Variants in EFNA5 observed in about 807,000 individuals in gnomAD.
The protein encoded by EFNA5 is ephrin A5.
Under a neutral mutation model 22.9 loss-of-function variants are expected in EFNA5, and 5 were observed. The observed-to-expected ratio is 0.22, with a 90% confidence interval of 0.11 to 0.46. The LOEUF (loss-of-function observed/expected upper bound fraction) is 0.46. Ranked by LOEUF, EFNA5 falls within the 20% of genes least tolerant of loss-of-function variation. EFNA5 has a pLI of 0.99. For synonymous variants in EFNA5, 113 were observed against 112.2 expected (o/e 1.01, Z -0.04); for missense variants, 237 against 293.3 (o/e 0.81, Z 1.40).
chr5:107,586,495 C>A (rs988202955), intron 1 of EFNA5, among the ~76,000 whole-genome samples: 27 of 152,170 alleles, frequency 1.8e-4, no homozygotes, highest in African/African-American at 6.5e-4. Context: ...AAGTCTCTTC[C>A]ATGCATCTGG....
intron 1 of EFNA5, among the ~76,000 whole-genome samples, chr5:107,514,869 T>G (rs1243586858): frequency 6.6e-6 from 1 of 152,114 alleles, no homozygotes; most frequent in East Asian, 1.9e-4. Context: ...ATTAGGCAGA[T>G]AGCAAGGGCA....
At chr5:107,640,805 G>A (rs1750482925) in intron 1 of EFNA5, among the ~76,000 whole-genome samples, 1 of 152,192 alleles carries the variant, frequency 6.6e-6, no homozygotes, top group Non-Finnish European at 1.5e-5. Context: ...AAAGACAAAT[G>A]AGAATGCTGC....
intron 1 of EFNA5, among the ~76,000 whole-genome samples, chr5:107,437,879 T>C (rs1021780063): frequency 1.3e-5 from 2 of 152,152 alleles, no homozygotes; most frequent in African/African-American, 4.8e-5. Flanking sequence ...AGGAAAATGA[T>C]AACCAGGACT....
chr5:107,527,569 G>A (rs2112449008), intron 1 of EFNA5, among the ~76,000 whole-genome samples: 1 of 151,926 alleles, frequency 6.6e-6, no homozygotes, highest in East Asian at 1.9e-4. Flanking sequence ...ACAGGCATGA[G>A]CCACTGCACC....
intron 1 of EFNA5, among the ~76,000 whole-genome samples, chr5:107,553,993 A>C (rs1358713041): frequency 6.6e-6 from 1 of 152,210 alleles, no homozygotes; most frequent in Non-Finnish European, 1.5e-5. Context: ...CTGGGATGTG[A>C]AAATATCTGA....
At chr5:107,649,435 G>A (rs967349399) in intron 1 of EFNA5, among the ~76,000 whole-genome samples, 1 of 152,160 alleles carries the variant, frequency 6.6e-6, no homozygotes, top group Admixed American at 6.5e-5. Flanking sequence ...ACAACTCATA[G>A]GCTAATCGTC....
At chr5:107,579,742 A>G (rs1317713115) in intron 1 of EFNA5, among the ~76,000 whole-genome samples, 1 of 152,216 alleles carries the variant, frequency 6.6e-6, no homozygotes, top group Admixed American at 6.5e-5. Context: ...CATCCACCAA[A>G]GAGGCTGCAC....
At chr5:107,395,750 GACAAA>G (rs937910217) in intron 2 of EFNA5, among the ~76,000 whole-genome samples, 2 of 152,080 alleles carry the variant, frequency 1.3e-5, no homozygotes, top group South Asian at 2.1e-4. Flanking sequence ...GGTATTATCT[GACAAA>G]ACAAAACAAG....
In EFNA5 at chr5:107,380,101, C is replaced by T. The variant is rs140751889; in HGVS notation, c.*1154G>A. On this transcript the variant is annotated 3_prime_UTR_variant, in exon 5 of 5. Transcript: ENST00000333274. ...AGCCCTCCCAAGTAGTGCTGACTGACTCTCCTGGTGACAGGGGTTTGTGTC... is the reference window on the plus strand; with the variant it reads ...AGCCCTCCCAAGTAGTGCTGACTGATTCTCCTGGTGACAGGGGTTTGTGTC... 1 of 152,076 alleles carries T rather than the reference C, an allele frequency of 6.6e-6. No homozygotes were observed. The highest frequency in any genetic ancestry group is 1.5e-5 in the Non-Finnish European group (1 of 68,012). The allele number at this position is 152,076 out of a possible 1,614,324, so 9.4% of individuals were successfully genotyped here.
At chr5:107,624,340 G>A (rs904683148) in intron 1 of EFNA5, among the ~76,000 whole-genome samples, 2 of 152,042 alleles carry the variant, frequency 1.3e-5, no homozygotes, top group Admixed American at 6.5e-5. Context: ...AACATTCATG[G>A]TTTTCATTCT....
At chr5:107,390,005 G>A (rs554718737) in intron 2 of EFNA5, among the ~76,000 whole-genome samples, 2 of 152,244 alleles carry the variant, frequency 1.3e-5, no homozygotes, top group African/African-American at 4.8e-5. Context: ...TGTGATATGT[G>A]AGTACACAAC....
At chr5:107,579,969 T>C (rs898792858) in intron 1 of EFNA5, among the ~76,000 whole-genome samples, 1 of 152,186 alleles carries the variant, frequency 6.6e-6, no homozygotes, top group Non-Finnish European at 1.5e-5. Context: ...CTCTTAACAG[T>C]TTACAGTCAT....
At chr5:107,480,370 A>G (rs1750426209) in intron 1 of EFNA5, among the ~76,000 whole-genome samples, 1 of 152,246 alleles carries the variant, frequency 6.6e-6, no homozygotes, top group Admixed American at 6.5e-5. Context: ...GTGAAGGGGT[A>G]CAAAGATGTA....
chr5:107,555,012 G>C (rs902780837), intron 1 of EFNA5, among the ~76,000 whole-genome samples: 2 of 152,114 alleles, frequency 1.3e-5, no homozygotes, highest in East Asian at 1.9e-4. Context: ...CATTCAACTC[G>C]ATCTGGAGCT....
Position 107,489,789 on chromosome 5 carries a change from C to CTA in EFNA5, c.126-62281_126-62280insTA, listed in dbSNP as rs558323655. ...CAAGGACTATGTACAGGAAAGTTCT[C>CTA]TGAGTGGCCTTGCACTGACTCAGTT... On this transcript the variant is annotated intron_variant, in intron 1 of 4. Coordinates refer to ENST00000333274, the MANE Select transcript of EFNA5 (RefSeq NM_001962.3). 8.5e-5 allele frequency among the ~76,000 whole-genome samples: 13 copies of CTA among 152,262 alleles called. No homozygotes were observed. In the South Asian group the frequency reaches 2.7e-3, roughly 32 times the overall value.
chr5:107,569,630 C>CACCT (rs1175293604), intron 1 of EFNA5, among the ~76,000 whole-genome samples: 1 of 136,964 alleles, frequency 7.3e-6, no homozygotes, highest in Non-Finnish European at 1.6e-5. Context: ...GTGGAAGGAT[C>CACCT]ACCTAGGTCA....
intron 1 of EFNA5, among the ~76,000 whole-genome samples, chr5:107,545,632 A>G (rs662627): frequency 0.72 from 109,896 of 152,032 alleles, 39,775 homozygotes; most frequent in Middle Eastern, 0.79. Flanking sequence ...AGAACCTGCT[A>G]TGGGAAAGCC....
intron 1 of EFNA5, among the ~76,000 whole-genome samples, chr5:107,446,030 C>T (rs1749384105): frequency 6.6e-6 from 1 of 152,202 alleles, no homozygotes; most frequent in Non-Finnish European, 1.5e-5. Flanking sequence ...GTCTGCCTAT[C>T]TTCGAATCTG....
chr5:107,482,826 GTCTCTGTCTC>G (rs1750511742), intron 1 of EFNA5, among the ~76,000 whole-genome samples: 3 of 65,034 alleles, frequency 4.6e-5, no homozygotes, highest in Admixed American at 3.0e-4. Flanking sequence ...CTCTCTCTCT[GTCTCTGTCTC>G]TCTCTCTCTC....
Sources: gnomAD v4.1 joint callset for allele counts (sites outside exome capture counted in the v4.1 genomes callset) on GRCh38, gnomAD v4.1.1 for gene constraint, MANE v1.5 for transcripts, NCBI Gene and HGNC (gene_info 2026-07-23, HGNC 2026-07-21) for gene names.